Variants in CTBP2 observed in about 807,000 individuals in gnomAD.
The protein encoded by CTBP2 is C-terminal-binding protein 2.
CTBP2 carries 30 observed loss-of-function variants against 80.3 expected under a neutral mutation model. That is an observed-to-expected ratio of 0.37 (90% CI 0.28 to 0.51). The LOEUF (loss-of-function observed/expected upper bound fraction) is 0.51. Among genes scored for constraint, CTBP2 ranks in the 20% least tolerant of loss-of-function variants. The pLI, the probability that CTBP2 is intolerant of heterozygous loss-of-function variation, is 0.93. For missense variants in CTBP2, 1,212 were observed against 1,375.3 expected (o/e 0.88, Z 1.88); for synonymous variants, 594 against 587.4 (o/e 1.01, Z -0.16).
chr10:125,109,107 G>A (rs932276949), intron 2 of CTBP2, among the ~76,000 whole-genome samples: 1 of 152,226 alleles, frequency 6.6e-6, no homozygotes, highest in African/African-American at 2.4e-5. Flanking sequence ...AAATGAAAGT[G>A]TCCTCATTCA....
At chr10:125,108,278 A>C (rs74163335) in intron 2 of CTBP2, among the ~76,000 whole-genome samples, 30 of 152,376 alleles carry the variant, frequency 2.0e-4, no homozygotes, top group African/African-American at 6.7e-4. Context: ...CAAAATATTA[A>C]GTCTAGCACA....
intron 2 of CTBP2, among the ~76,000 whole-genome samples, chr10:125,099,793 T>C (rs1194588046): frequency 1.3e-5 from 2 of 152,226 alleles, no homozygotes; most frequent in African/African-American, 4.8e-5. Context: ...CCAGCCAGTC[T>C]GGTCCAGGCT....
intron 1 of CTBP2, among the ~76,000 whole-genome samples, chr10:125,141,427 T>C (rs1857798948): frequency 6.6e-6 from 1 of 152,082 alleles, no homozygotes; most frequent in Non-Finnish European, 1.5e-5. Context: ...GCAGCTGACC[T>C]TCCCCACCTC....
chr10:125,081,834 G>A (rs1051672590), intron 2 of CTBP2, among the ~76,000 whole-genome samples: 4 of 152,034 alleles, frequency 2.6e-5, no homozygotes, highest in African/African-American at 7.2e-5. Context: ...TGTCAGGGGC[G>A]CTTCAGATGG....
At chr10:125,018,254 G>A (rs1439150214) in intron 1 of CTBP2, among the ~76,000 whole-genome samples, 4 of 152,254 alleles carry the variant, frequency 2.6e-5, no homozygotes, top group Non-Finnish European at 5.9e-5. Flanking sequence ...GCCAGGTGCA[G>A]TGGCTCACGC....
At chr10:125,079,461 A>G (rs1441927089) in intron 2 of CTBP2, among the ~76,000 whole-genome samples, 1 of 152,132 alleles carries the variant, frequency 6.6e-6, no homozygotes, top group Non-Finnish European at 1.5e-5. Context: ...CGAATGCCAT[A>G]CTCCGCATTC....
At chr10:125,138,504 G>A (rs1857300816) in intron 1 of CTBP2, among the ~76,000 whole-genome samples, 1 of 152,082 alleles carries the variant, frequency 6.6e-6, no homozygotes, top group Non-Finnish European at 1.5e-5. Context: ...CTCACGCTGA[G>A]GTTTCAAGGA....
chr10:125,107,056 G>A (rs1296749947), intron 2 of CTBP2, among the ~76,000 whole-genome samples: 3 of 152,234 alleles, frequency 2.0e-5, no homozygotes, highest in Non-Finnish European at 4.4e-5. Context: ...ATCCTTGGGG[G>A]GTGGAGGGAG....
intron 1 of CTBP2, among the ~76,000 whole-genome samples, chr10:125,126,358 G>A (rs997865217): frequency 6.6e-6 from 1 of 152,208 alleles, no homozygotes; most frequent in African/African-American, 2.4e-5. Context: ...AAAAGTCACT[G>A]GGACTTAAAA....
At chr10:125,161,662 G>T (rs1861904343), upstream of CTBP2, among the ~76,000 whole-genome samples, 1 of 152,082 alleles carries the variant, frequency 6.6e-6, no homozygotes, top group Non-Finnish European at 1.5e-5. Flanking sequence ...CCTCTGTGCT[G>T]CAAGTTGCAG....
At chr10:125,075,382 G>C (rs550676800) in intron 2 of CTBP2, among the ~76,000 whole-genome samples, 1 of 152,074 alleles carries the variant, frequency 6.6e-6, no homozygotes, top group Non-Finnish European at 1.5e-5. Context: ...TGCTGTTATC[G>C]TGCGAGTGGG....
chr10:125,099,005 C>A (rs921658224), intron 2 of CTBP2, among the ~76,000 whole-genome samples: 1 of 152,216 alleles, frequency 6.6e-6, no homozygotes, highest in African/African-American at 2.4e-5. Flanking sequence ...AGCCAGAAAG[C>A]CTCCTTTCCA....
intron 1 of CTBP2, chr10:125,025,964 G>A (rs1410316803): frequency 1.6e-6 from 2 of 1,279,520 alleles, no homozygotes. Context: ...GTTTGGTGGT[G>A]TGTGTGTGTG....
intron 1 of CTBP2, chr10:125,005,507 A>T (rs1955118179): frequency 1.3e-6 from 2 of 1,566,136 alleles, no homozygotes; most frequent in Admixed American, 1.8e-5. Flanking sequence ...GGAGGGGGAA[A>T]ATAAGGCAGG....
At chr10:125,131,405 T>G (rs1417880751) in intron 1 of CTBP2, among the ~76,000 whole-genome samples, 1 of 152,114 alleles carries the variant, frequency 6.6e-6, no homozygotes, top group Admixed American at 6.5e-5. Context: ...TGGGTAGGTG[T>G]GAGGCCCCCA....
intron 8 of CTBP2, among the ~76,000 whole-genome samples, chr10:124,990,776 C>CT (rs1952502337): frequency 6.6e-6 from 1 of 151,568 alleles, no homozygotes; most frequent in Non-Finnish European, 1.5e-5. Flanking sequence ...GGATCAGTGC[C>CT]TTTACACAAG....
At chr10:125,093,353 C>T (rs1255686835) in intron 2 of CTBP2, among the ~76,000 whole-genome samples, 2 of 152,218 alleles carry the variant, frequency 1.3e-5, no homozygotes, top group African/African-American at 4.8e-5. Context: ...AATGTCCTTT[C>T]TAATCCTGTG....
intron 2 of CTBP2, among the ~76,000 whole-genome samples, chr10:125,042,542 C>T (rs907250862): frequency 6.6e-6 from 1 of 152,188 alleles, no homozygotes. Context: ...ATGCCAGGGG[C>T]GGAATCGTGG....
At chr10:125,105,627 G>A (rs1034578197) in intron 2 of CTBP2, among the ~76,000 whole-genome samples, 1 of 152,132 alleles carries the variant, frequency 6.6e-6, no homozygotes, top group Non-Finnish European at 1.5e-5. Flanking sequence ...GTGAAATGCT[G>A]TGTGTCCTTC....
Sources: allele counts gnomAD v4.1 joint callset (sites outside exome capture counted in the v4.1 genomes callset), GRCh38; gene constraint gnomAD v4.1.1; transcripts MANE v1.5; gene names NCBI Gene and HGNC (gene_info 2026-07-23, HGNC 2026-07-21).